Variants in WNT3A observed in about 807,000 individuals in gnomAD.
WNT3A encodes protein Wnt-3a.
In WNT3A, 17 loss-of-function variants were observed where a neutral mutation model predicts 37.0. The observed-to-expected ratio is 0.46, with a 90% CI of 0.31 to 0.69. WNT3A has a LOEUF of 0.69. Among genes scored for constraint, WNT3A ranks in the 30% least tolerant of loss-of-function variants. The pLI is 0.05. For synonymous variants in WNT3A, 187 were observed against 211.0 expected, an observed-to-expected ratio of 0.89 and a Z score of 0.99; for missense variants, 411 against 510.2, an observed-to-expected ratio of 0.81 and a Z score of 1.87.
chr1:228,048,147 C>T (rs1033864308), intron 2 of WNT3A, among the ~76,000 whole-genome samples: 57 of 152,198 alleles, frequency 3.7e-4, no homozygotes, highest in Non-Finnish European at 6.5e-4. Context: ...CCTGTATCCC[C>T]GCCTTGTCCC....
Position 228,050,529 on chromosome 1 carries a change from T to A in WNT3A, c.314-127T>A, listed in dbSNP as rs2031520053. On this transcript the variant is annotated intron_variant, in intron 2 of 3. Coordinates refer to ENST00000284523, the MANE Select transcript of WNT3A (RefSeq NM_033131.4). This position sits in a 1 kb window ranked among gnomAD's most constrained non-coding sequence, Gnocchi z 5.0. ...GATCCGTGAACCAAGTAAGCCTCTT[T>A]GCCTTATACACCACCCAACCTCACG... 2.5e-6 allele frequency: 3 copies of A among 1,203,944 alleles called. No individual in the cohort carries two copies. The highest frequency in any genetic ancestry group is 3.3e-6 in the Non-Finnish European group (3 of 896,898). The allele number at this position is 1,203,944 out of a possible 1,614,324, so 74.6% of individuals were successfully genotyped here.
intron 3 of WNT3A, among the ~76,000 whole-genome samples, chr1:228,058,763 G>A (rs139222272): frequency 6.6e-6 from 1 of 152,354 alleles, no homozygotes; most frequent in African/African-American, 2.4e-5. Flanking sequence ...GAAGAGGGGA[G>A]CCCCCCAAGC....
At chr1:228,030,824 C>T (rs1315331184) in intron 2 of WNT3A, among the ~76,000 whole-genome samples, 1 of 152,268 alleles carries the variant, frequency 6.6e-6, no homozygotes, top group East Asian at 1.9e-4. Flanking sequence ...TCCTATCCCC[C>T]AACCCTGCTT....
At chr1:228,041,535 C>T (rs1021027064) in intron 2 of WNT3A, among the ~76,000 whole-genome samples, 2 of 151,822 alleles carry the variant, frequency 1.3e-5, no homozygotes, top group African/African-American at 4.8e-5. Flanking sequence ...ATCCATCCAT[C>T]CATCCATCCA....
At chr1:228,056,597 A>G (rs2031687189) in intron 3 of WNT3A, among the ~76,000 whole-genome samples, 1 of 152,218 alleles carries the variant, frequency 6.6e-6, no homozygotes, top group African/African-American at 2.4e-5. Context: ...GACAATGACA[A>G]ACAAAAAGAG....
At chr1:228,048,464 TC>T (rs1408401188) in intron 2 of WNT3A, among the ~76,000 whole-genome samples, 2 of 152,212 alleles carry the variant, frequency 1.3e-5, no homozygotes, top group African/African-American at 2.4e-5. Flanking sequence ...CCTGGTTGGC[TC>T]CCTGCTAGTT....
At chr1:228,057,318 A>G (rs143281494) in intron 3 of WNT3A, among the ~76,000 whole-genome samples, 207 of 152,298 alleles carry the variant, frequency 1.4e-3, no homozygotes, top group Non-Finnish European at 2.6e-3. Flanking sequence ...GCCACCCACC[A>G]TGGCTAGAGG....
rs1209227300 is a variant in WNT3A, at chr1:228,038,367, C to T, written c.314-12289C>T. Among the ~76,000 whole-genome samples, 1 of 152,196 alleles carries T rather than the reference C, an allele frequency of 6.6e-6. No homozygotes were observed. The highest frequency in any genetic ancestry group is 1.5e-5 in the Non-Finnish European group (1 of 68,024). On this transcript the variant is annotated intron_variant, in intron 2 of 3. Coordinates refer to ENST00000284523, the MANE Select transcript of WNT3A (RefSeq NM_033131.4). The surrounding 1 kb of genome is among the most constrained non-coding windows in gnomAD (Gnocchi z 5.7). The stretch of plus-strand genomic sequence containing the variant: ...GTCTTCTCCTTCCCCTGTGTTCAGG[C>T]CTCAGTGGGGGAAAAGGGCCCACGC...
chr1:228,027,581 GA>G (rs1296096907), intron 2 of WNT3A, among the ~76,000 whole-genome samples: 1 of 152,150 alleles, frequency 6.6e-6, no homozygotes, highest in Admixed American at 6.5e-5. Context: ...CTTATTTTGA[GA>G]ATGTCCATTC....
rs745763393 is a variant in WNT3A, at chr1:228,059,257, A to C, written c.851A>C (p.Asn284Thr). 1 of 1,607,174 alleles carries C rather than the reference A, an allele frequency of 6.2e-7. No individual in the cohort carries two copies. The change falls in exon 4 of 4, where the codon AAC becomes ACC. Residue 284 changes from asparagine to threonine, a missense_variant. Physicochemically the swap from Asn to Thr is moderately conservative, Grantham distance 65 (BLOSUM62 0). Coordinates refer to ENST00000284523, the MANE Select transcript of WNT3A (RefSeq NM_033131.4). ...GCCTCGCCCAACTTCTGCGAGCCCA[A>C]CCCTGAGACGGGCTCCTTCGGCACG... ...YEASPNFCEPNPETGSFGTRD... is the reference protein window; with the variant it reads ...YEASPNFCEPTPETGSFGTRD...
rs1475981676 is a variant in WNT3A at position 228,007,718 on chromosome 1, G to A, written c.71+519G>A. 6.6e-6 allele frequency among the ~76,000 whole-genome samples: 1 copy of A among 152,120 alleles called. No individual in the cohort carries two copies. Among genetic ancestry groups the A allele is most frequent in the African/African-American group, 2.4e-5 (1 of 41,424 alleles). The stretch of plus-strand genomic sequence containing the variant: ...GTAAAGAAAGCTGGGACCCGGCGGG[G>A]AGTGGCGCAGAGCCGGCGGCGGGGC... On this transcript the variant is annotated intron_variant, in intron 1 of 3. Transcript: ENST00000284523. The surrounding 1 kb of genome is among the most constrained non-coding windows in gnomAD (Gnocchi z 6.0).
chr1:228,058,448 G>T (rs1359880674), intron 3 of WNT3A, among the ~76,000 whole-genome samples: 1 of 152,252 alleles, frequency 6.6e-6, no homozygotes, highest in Non-Finnish European at 1.5e-5. Flanking sequence ...TCCTCAGCGA[G>T]GTCCTGCCCG....
chr1:228,047,780 C>T (rs1258817051), intron 2 of WNT3A, among the ~76,000 whole-genome samples: 1 of 151,962 alleles, frequency 6.6e-6, no homozygotes, highest in Non-Finnish European at 1.5e-5. Context: ...TGTCATGTGG[C>T]GAGAGCAGGA....
chr1:228,007,217 C>G lies in WNT3A; in HGVS notation c.71+18C>G. 6.3e-7 allele frequency: 1 copy of G among 1,596,654 alleles called. No homozygotes were observed. Among genetic ancestry groups the G allele is most frequent in the Non-Finnish European group, 8.5e-7 (1 of 1,172,104 alleles). On this transcript the variant is annotated intron_variant, in intron 1 of 3. Coordinates refer to ENST00000284523, the MANE Select transcript of WNT3A (RefSeq NM_033131.4). The surrounding 1 kb of genome is among the most constrained non-coding windows in gnomAD (Gnocchi z 6.0). ...ATCTGGTGGTGAGTGAGCCTCCTCG[C>G]GTTCGCCCCTGCCCCTGTGCGCCGC...
intron 1 of WNT3A, among the ~76,000 whole-genome samples, chr1:228,020,013 G>T (rs2030656638): frequency 1.3e-5 from 2 of 152,234 alleles, no homozygotes; most frequent in Non-Finnish European, 1.5e-5. Flanking sequence ...ATCACCTGAG[G>T]TCAGGAGTTT....
Position 228,022,667 on chromosome 1 carries a change from G to T in WNT3A, c.72G>T (p.Trp24Cys). The T allele has an allele frequency of 6.2e-7, 1 of 1,611,118 alleles. No homozygotes were observed. The highest frequency in any genetic ancestry group is 8.5e-7 in the Non-Finnish European group (1 of 1,177,624). The change falls in exon 2 of 4, where the codon TGG becomes TGT. Residue 24 changes from tryptophan (W) to cysteine (C), a missense_variant and splice_region_variant. Transcript: ENST00000284523. Reference protein sequence around the residue: ...KQALGSYPIWWSLAVGPQYSS... With the variant: ...KQALGSYPIWCSLAVGPQYSS... ...CACCACCGGATCTTGCCCTCTGCAGGTCGCTGGCTGTTGGGCCACAGTATT... is the reference window on the plus strand; with the variant it reads ...CACCACCGGATCTTGCCCTCTGCAGTTCGCTGGCTGTTGGGCCACAGTATT...
Position 228,059,875 on chromosome 1 carries a change from T to G in WNT3A, c.*410T>G. ...GTGGGCGGGGCACTAGGTAGGCTTC[T>G]ACCTGCAGGCGGGGCTCCTCCTGAA... On this transcript the variant is annotated 3_prime_UTR_variant, in exon 4 of 4. Coordinates refer to ENST00000284523, the MANE Select transcript of WNT3A (RefSeq NM_033131.4). 1 of 1,052,724 alleles carries G rather than the reference T, an allele frequency of 9.5e-7. No individual in the cohort carries two copies. The highest frequency in any genetic ancestry group is 1.1e-6 in the Non-Finnish European group (1 of 871,180). 65.2% of individuals were successfully genotyped at this position (1,052,724 alleles called of 1,614,324 possible).
intron 2 of WNT3A, among the ~76,000 whole-genome samples, chr1:228,025,617 G>T (rs991121505): frequency 3.3e-5 from 5 of 152,156 alleles, no homozygotes; most frequent in African/African-American, 1.2e-4. Flanking sequence ...CCAAAGTGTT[G>T]GGATTACAGG....
At chr1:228,036,838 A>C (rs774995794) in intron 2 of WNT3A, among the ~76,000 whole-genome samples, 1 of 152,200 alleles carries the variant, frequency 6.6e-6, no homozygotes, top group African/African-American at 2.4e-5. Flanking sequence ...CCCAGGGCCC[A>C]GCAGCTGGAT....
Sources: allele counts gnomAD v4.1 joint callset (sites outside exome capture counted in the v4.1 genomes callset), GRCh38; gene constraint gnomAD v4.1.1; non-coding constraint Gnocchi (gnomAD v3.1); transcripts MANE v1.5; gene names NCBI Gene and HGNC (gene_info 2026-07-23, HGNC 2026-07-21).